MEMO1: variants seen among roughly 807,000 people sequenced by gnomAD.
MEMO1 encodes the protein protein MEMO1.
A neutral mutation model predicts 45.2 loss-of-function variants in MEMO1; 6 were observed. The ratio of observed to expected loss-of-function variants is 0.13; its 90% CI spans 0.07 to 0.26. The LOEUF (loss-of-function observed/expected upper bound fraction) is 0.26. MEMO1 is among the 10% of genes least tolerant of loss of function. The pLI, the probability that MEMO1 is intolerant of heterozygous loss-of-function variation, is 1.00. For missense variants in MEMO1, 184 were observed against 370.5 expected (o/e 0.50, Z 4.13); for synonymous variants, 78 against 124.3 (o/e 0.63, Z 2.48).
At chr2:31,945,220 A>G (rs1666058304) in intron 2 of MEMO1, among the ~76,000 whole-genome samples, 1 of 152,168 alleles carries the variant, frequency 6.6e-6, no homozygotes, top group Non-Finnish European at 1.5e-5. Context: ...TAAATCATTC[A>G]TTTGCAGGGC....
At chr2:31,895,600 G>T (rs1362588846) in intron 6 of MEMO1, among the ~76,000 whole-genome samples, 1 of 152,066 alleles carries the variant, frequency 6.6e-6, no homozygotes, top group Admixed American at 6.6e-5. Flanking sequence ...AAAGAACAGA[G>T]CATTGGAGAC....
At chr2:31,938,668 A>C (rs1437528626) in intron 3 of MEMO1, among the ~76,000 whole-genome samples, 1 of 152,130 alleles carries the variant, frequency 6.6e-6, no homozygotes, top group African/African-American at 2.4e-5. Flanking sequence ...AATAAAAAAT[A>C]AAAACTAAGA....
chr2:31,931,901 T>C (rs933230612), intron 4 of MEMO1, among the ~76,000 whole-genome samples, 166 bp downstream of exon 4: 3 of 152,156 alleles, frequency 2.0e-5, no homozygotes, highest in African/African-American at 4.8e-5. Flanking sequence ...AAAAGAAGTA[T>C]TGAAGTTTTC....
intron 4 of MEMO1, among the ~76,000 whole-genome samples, chr2:31,927,662 C>T (rs987198119): frequency 6.8e-6 from 1 of 146,954 alleles, no homozygotes; most frequent in African/African-American, 2.5e-5. Flanking sequence ...AAAAGTAAAG[C>T]AATGCCACTT....
intron 8 of MEMO1, among the ~76,000 whole-genome samples, chr2:31,880,899 C>T (rs1366422432): frequency 6.6e-6 from 1 of 151,940 alleles, no homozygotes; most frequent in African/African-American, 2.4e-5. Flanking sequence ...TGGTAAATGT[C>T]TATAGTCCCA....
chr2:31,940,407 T>C (rs1435605247), intron 3 of MEMO1, among the ~76,000 whole-genome samples: 1 of 152,184 alleles, frequency 6.6e-6, no homozygotes, highest in Non-Finnish European at 1.5e-5. Context: ...AAAACCTAGA[T>C]TCTATACGAA....
intron 4 of MEMO1, among the ~76,000 whole-genome samples, chr2:31,928,783 A>G (rs929517696): frequency 2.6e-5 from 4 of 152,138 alleles, no homozygotes; most frequent in Non-Finnish European, 5.9e-5. Context: ...ATTTAACCTC[A>G]TATAGTACAT....
intron 8 of MEMO1, among the ~76,000 whole-genome samples, chr2:31,878,107 G>C (rs1674823228): frequency 6.6e-6 from 1 of 152,184 alleles, no homozygotes; most frequent in Non-Finnish European, 1.5e-5. Flanking sequence ...AGAGTAGTCA[G>C]AAGGCCCCAG....
chr2:31,923,860 A>T, intron 4 of MEMO1: 2 of 1,177,302 alleles, frequency 1.7e-6, no homozygotes. Flanking sequence ...TGCTCCAGAA[A>T]TAAACACCAG....
At chr2:31,875,745 G>C (rs1674459336) in intron 8 of MEMO1, among the ~76,000 whole-genome samples, 2 of 151,982 alleles carry the variant, frequency 1.3e-5, no homozygotes, top group South Asian at 4.1e-4. Context: ...GGAGTGCAGT[G>C]GTGCAATCTC....
At chr2:31,904,521 T>TGTAACTG (rs751060129) in intron 6 of MEMO1, among the ~76,000 whole-genome samples, 24 of 152,212 alleles carry the variant, frequency 1.6e-4, no homozygotes, top group Non-Finnish European at 3.1e-4. Context: ...AGTACACACC[T>TGTAACTG]GTAACTGGAT....
intron 3 of MEMO1, among the ~76,000 whole-genome samples, chr2:31,940,723 G>A (rs961829062): frequency 2.6e-5 from 4 of 152,084 alleles, no homozygotes; most frequent in Non-Finnish European, 1.5e-5. Flanking sequence ...TGTAGAGATG[G>A]AGTCTTGTTT....
intron 2 of MEMO1, among the ~76,000 whole-genome samples, chr2:31,992,989 C>A (rs1009155061): frequency 6.6e-6 from 1 of 152,014 alleles, no homozygotes; most frequent in African/African-American, 2.4e-5. Flanking sequence ...GAAAAAAATG[C>A]TTCCAACTAA....
At chr2:31,941,247 C>T (rs2148311273) in intron 3 of MEMO1, among the ~76,000 whole-genome samples, 1 of 152,296 alleles carries the variant, frequency 6.6e-6, no homozygotes, top group East Asian at 1.9e-4. Flanking sequence ...CTCAAACACA[C>T]TAAGCATACT....
intron 4 of MEMO1, among the ~76,000 whole-genome samples, chr2:31,925,553 A>G (rs1682981728): frequency 1.3e-5 from 2 of 151,204 alleles, no homozygotes; most frequent in South Asian, 4.2e-4. Context: ...AAATCAAGTC[A>G]CCCTCTTAAG....
At chr2:31,912,403 C>T (rs575099517) in intron 6 of MEMO1, among the ~76,000 whole-genome samples, 2 of 151,572 alleles carry the variant, frequency 1.3e-5, no homozygotes, top group South Asian at 2.1e-4. Context: ...ATCCCAGCCA[C>T]TCAGGAGGCT....
rs996062863 is a variant in MEMO1 at position 31,919,084 on chromosome 2, AT to A, written c.326-1048del. The stretch of plus-strand genomic sequence containing the variant: ...CTTATGCCAAAAATAAGAAAGAAGA[AT>A]TTTTTCTTGCAAATGGACTCTTTTA... On this transcript the variant is annotated intron_variant, in intron 5 of 9. Transcript: ENST00000404530. Among the ~76,000 whole-genome samples, 113 of 151,792 alleles carry A rather than the reference AT, an allele frequency of 7.4e-4. 1 individual carries two copies. Among genetic ancestry groups the A allele is most frequent in the African/African-American group, 2.7e-3 (110 of 41,462 alleles).
chr2:31,993,653 A>G (rs1228783776), intron 2 of MEMO1, among the ~76,000 whole-genome samples: 2 of 152,220 alleles, frequency 1.3e-5, no homozygotes, highest in East Asian at 3.8e-4. Context: ...GCCCACGCAC[A>G]GGGTAAAACT....
At chr2:31,923,708 T>C (rs1682672811) in intron 4 of MEMO1, 1 of 1,547,490 alleles carries the variant, frequency 6.5e-7, no homozygotes, top group African/African-American at 1.4e-5. Context: ...AGAAAGGATA[T>C]TTAACATCAG....
Sources: gnomAD v4.1 joint callset for allele counts (sites outside exome capture counted in the v4.1 genomes callset) on GRCh38, gnomAD v4.1.1 for gene constraint, MANE v1.5 for transcripts, NCBI Gene and HGNC (gene_info 2026-07-23, HGNC 2026-07-21) for gene names.